TIAM1: variants seen among roughly 807,000 people sequenced by gnomAD.
The protein encoded by TIAM1 is TIAM Rac1 associated GEF 1, also known as rho guanine nucleotide exchange factor TIAM1.
Under a neutral mutation model 163.5 loss-of-function variants are expected in TIAM1, and 65 were observed. That is an observed-to-expected ratio of 0.40 (90% CI 0.33 to 0.49). The LOEUF (loss-of-function observed/expected upper bound fraction) is 0.49, where lower values mean the gene tolerates loss of function less well. Among genes scored for constraint, TIAM1 ranks in the 20% least tolerant of loss-of-function variants. TIAM1 has a pLI of 0.77. For missense variants in TIAM1, 1,789 were observed against 2,044.7 expected (o/e 0.87, Z 2.41); for synonymous variants, 833 against 810.1 (o/e 1.03, Z -0.48).
At chr21:31,186,332 T>C (rs774112584) in intron 14 of TIAM1, among the ~76,000 whole-genome samples, 1 of 152,156 alleles carries the variant, frequency 6.6e-6, no homozygotes, top group East Asian at 1.9e-4. Context: ...GCTCAGGCAA[T>C]AGCCAATGTC....
chr21:31,451,766 AC>A (rs1212757928), intron 2 of TIAM1, among the ~76,000 whole-genome samples: 5 of 149,640 alleles, frequency 3.3e-5, no homozygotes, highest in African/African-American at 1.2e-4. Context: ...TGTGTGAGAC[AC>A]AGAGAGAGAG....
At chr21:31,473,544 A>G (rs966467538) in intron 1 of TIAM1, among the ~76,000 whole-genome samples, 1 of 144,038 alleles carries the variant, frequency 6.9e-6, no homozygotes, top group African/African-American at 2.5e-5. Context: ...TTGCTGTTGG[A>G]GTAATTTTCA....
Position 31,460,910 on chromosome 21 carries a change from A to AT in TIAM1, c.-369+3072dup, listed in dbSNP as rs368036830. 5.3e-5 allele frequency among the ~76,000 whole-genome samples: 8 copies of AT among 152,140 alleles called. No homozygotes were observed. In the South Asian group the frequency reaches 6.2e-4, roughly 12 times the overall value. On this transcript the variant is annotated intron_variant, in intron 2 of 28. Transcript: ENST00000286827. ...GTCCTTTAAATTTTCAATCTATTTC[A>AT]TTTTTTTTACATAAAGAATTCAATA...
At chr21:31,250,989 A>C (rs184237584) in intron 5 of TIAM1, among the ~76,000 whole-genome samples, 1 of 152,348 alleles carries the variant, frequency 6.6e-6, no homozygotes, top group Admixed American at 6.5e-5. Context: ...CTTTTTCATA[A>C]ACATGATGGT....
chr21:31,144,585 C>T (rs999921135), intron 20 of TIAM1, among the ~76,000 whole-genome samples: 2 of 151,916 alleles, frequency 1.3e-5, no homozygotes, highest in Non-Finnish European at 2.9e-5. Flanking sequence ...CCGAGCACTC[C>T]GGGAAGCCAA....
chr21:31,256,313 A>G (rs897044138), intron 4 of TIAM1, among the ~76,000 whole-genome samples: 4 of 152,212 alleles, frequency 2.6e-5, no homozygotes, highest in Admixed American at 2.0e-4. Flanking sequence ...TTCCAGGACC[A>G]GTAGAATCAA....
At chr21:31,558,582 G>A (rs912059369) in intron 1 of TIAM1, among the ~76,000 whole-genome samples, 6 of 152,118 alleles carry the variant, frequency 3.9e-5, no homozygotes, top group African/African-American at 1.2e-4. Flanking sequence ...GCAGGTCAGC[G>A]CTGACCTCCT....
intron 1 of TIAM1, among the ~76,000 whole-genome samples, chr21:31,525,875 A>C (rs915279323): frequency 2.0e-5 from 3 of 151,892 alleles, no homozygotes; most frequent in African/African-American, 7.3e-5. Context: ...CTTTACTAAA[A>C]ATACAAAAAT....
intron 1 of TIAM1, among the ~76,000 whole-genome samples, chr21:31,533,092 G>A (rs2048021916): frequency 6.6e-6 from 1 of 152,156 alleles, no homozygotes; most frequent in Admixed American, 6.5e-5. Flanking sequence ...AGGCTGAGGT[G>A]GGCAGGTCAC....
intron 10 of TIAM1, among the ~76,000 whole-genome samples, chr21:31,212,469 G>A (rs577960913): frequency 4.6e-5 from 7 of 152,118 alleles, no homozygotes; most frequent in South Asian, 2.1e-4. Flanking sequence ...TCTTGAAAAC[G>A]AGAGACGTCT....
At chr21:31,400,973 C>T (rs1488838295) in intron 2 of TIAM1, among the ~76,000 whole-genome samples, 1 of 152,032 alleles carries the variant, frequency 6.6e-6, no homozygotes. Context: ...CTCCTGTAAT[C>T]CCAGCTACTC....
At chr21:31,333,960 T>C (rs1319220885) in intron 2 of TIAM1, among the ~76,000 whole-genome samples, 3 of 152,200 alleles carry the variant, frequency 2.0e-5, no homozygotes, top group Admixed American at 1.3e-4. Flanking sequence ...TCTCCTAACC[T>C]GAATACATTA....
At chr21:31,137,441 A>G (rs1191931485) in intron 22 of TIAM1, among the ~76,000 whole-genome samples, 1 of 152,182 alleles carries the variant, frequency 6.6e-6, no homozygotes, top group Non-Finnish European at 1.5e-5. Flanking sequence ...CCCCCAGGAT[A>G]TGATCAGCCA....
rs1178851585 is a variant in TIAM1 at position 31,141,233 on chromosome 21, G to A, written c.3659C>T (p.Ala1220Val). The A allele has an allele frequency of 6.2e-7, 1 of 1,614,036 alleles. No homozygotes were observed. The highest frequency in any genetic ancestry group is 8.5e-7 in the Non-Finnish European group (1 of 1,179,992). Residue 1220 changes from alanine (A) to valine (V), a missense_variant, in exon 22 of 28, where the codon GCC (alanine) becomes GTC (valine). Transcript: ENST00000541036. This position sits in a 1 kb window ranked among gnomAD's most constrained non-coding sequence, Gnocchi z 4.7. The stretch of plus-strand genomic sequence containing the variant: ...GGCAACCTTGTTCATGGTCTTGATG[G>A]CCACTGGAAGAAAACAGGTTGTGAA... ...ESEEHYHLDVAIKTMNKVASH... is the reference protein window; with the variant it reads ...ESEEHYHLDVVIKTMNKVASH...
At chr21:31,210,574 GA>G (rs1555890809) in intron 10 of TIAM1, among the ~76,000 whole-genome samples, 3 of 117,454 alleles carry the variant, frequency 2.6e-5, no homozygotes, top group African/African-American at 1.3e-4. Flanking sequence ...AAGAAAGAAA[GA>G]AAGAAAGAAA....
rs756878988 is a variant in TIAM1 at position 31,195,241 on chromosome 21, G to A, written c.2558C>T (p.Thr853Ile). ...AAACTTACCGTAAGTATCAGCAGCTGTATCTGACTTCTCAATGTGGATGCT... is the reference window on the plus strand; with the variant it reads ...AAACTTACCGTAAGTATCAGCAGCTATATCTGACTTCTCAATGTGGATGCT... ...TQSIHIEKSD[T>I]AADTYGFSLS... Residue 853 changes from threonine (T) to isoleucine (I), a missense_variant, in exon 13 of 28, where the codon ACA (threonine) becomes ATA (isoleucine). Thr to Ile is a moderately conservative substitution (Grantham distance 89). Transcript: ENST00000541036. 1.2e-6 allele frequency: 2 copies of A among 1,612,948 alleles called. No individual in the cohort carries two copies. Among genetic ancestry groups the A allele is most frequent in the Middle Eastern group, 1.6e-4 (1 of 6,062 alleles).
rs994488267 is a variant in TIAM1, at chr21:31,135,412, G to A, written c.3883+521C>T. 5.3e-5 allele frequency among the ~76,000 whole-genome samples: 8 copies of A among 152,254 alleles called. 1 individual carries two copies. Among genetic ancestry groups the A allele is most frequent in the Non-Finnish European group, 1.2e-4 (8 of 68,020 alleles). On this transcript the variant is annotated intron_variant, in intron 23 of 27. Transcript: ENST00000541036. The stretch of plus-strand genomic sequence containing the variant: ...TTTCACTAGTATTGAGTGGCAATGC[G>A]ATTGGGATGCACCTCACAGCTGATC...
chr21:31,131,059 C>T, intron 23 of TIAM1, 111 bp from the exon 24 acceptor site: 1 of 824,554 alleles, frequency 1.2e-6, no homozygotes, highest in African/African-American at 1.7e-5. Context: ...ACGTTGAGAT[C>T]CCAGTTAACT....
intron 2 of TIAM1, among the ~76,000 whole-genome samples, chr21:31,408,952 G>A (rs556060447): frequency 1.3e-5 from 2 of 151,840 alleles, no homozygotes; most frequent in East Asian, 3.9e-4. Context: ...GAGTGCCACC[G>A]CTCTCAGCCA....
Sources: gnomAD v4.1 joint callset for allele counts (sites outside exome capture counted in the v4.1 genomes callset) on GRCh38, gnomAD v4.1.1 for gene constraint, Gnocchi (gnomAD v3.1) non-coding constraint, MANE v1.5 for transcripts, NCBI Gene and HGNC (gene_info 2026-07-23, HGNC 2026-07-21) for gene names.